FBXO22: variants seen among roughly 807,000 people sequenced by gnomAD.
FBXO22 encodes the protein F-box protein 22, also known as F-box only protein 22.
FBXO22 carries 13 observed loss-of-function variants against 37.2 expected under a neutral mutation model. That is an observed-to-expected ratio of 0.35 (90% CI 0.23 to 0.56). FBXO22 has a LOEUF of 0.56. Ranked by LOEUF, FBXO22 falls within the 20% of genes least tolerant of loss-of-function variation. FBXO22 has a pLI of 0.87. For synonymous variants in FBXO22, 189 were observed against 189.1 expected (o/e 1.00, Z 0.00); for missense variants, 446 against 509.9 (o/e 0.87, Z 1.21).
At chr15:75,927,658 A>C (rs1023720204) in intron 5 of FBXO22, among the ~76,000 whole-genome samples, 2 of 152,234 alleles carry the variant, frequency 1.3e-5, no homozygotes, top group Non-Finnish European at 2.9e-5. Context: ...AAGATGCTTT[A>C]GCAATGGTTT....
chr15:75,933,119 C>A lies in FBXO22; in HGVS notation c.*17C>A. 1 of 1,571,110 alleles carries A rather than the reference C, an allele frequency of 6.4e-7. No homozygotes were observed. The highest frequency in any genetic ancestry group is 1.2e-5 in the South Asian group (1 of 83,790). Reference sequence around the variant, plus strand: ...TCTAAATAATAATTAAAGTGGCTTTCATAATATGTAACTTTTGGGTTCTGC... The same window carrying A: ...TCTAAATAATAATTAAAGTGGCTTTAATAATATGTAACTTTTGGGTTCTGC... On this transcript the variant is annotated 3_prime_UTR_variant, in exon 7 of 7. Coordinates refer to ENST00000308275, the MANE Select transcript of FBXO22 (RefSeq NM_147188.3).
chr15:75,913,690 TC>T (rs1298721245), intron 3 of FBXO22, among the ~76,000 whole-genome samples: 1 of 152,192 alleles, frequency 6.6e-6, no homozygotes, highest in Non-Finnish European at 1.5e-5. Flanking sequence ...AGAATGGGTA[TC>T]CAAGATGCGC....
At chr15:75,914,568 G>A (rs1017636396) in intron 4 of FBXO22, among the ~76,000 whole-genome samples, 1 of 152,102 alleles carries the variant, frequency 6.6e-6, no homozygotes, top group Non-Finnish European at 1.5e-5. Context: ...AGCAAAGCTG[G>A]GCCTTACTAG....
intron 4 of FBXO22, among the ~76,000 whole-genome samples, chr15:75,915,828 A>G (rs1372664974): frequency 6.6e-6 from 1 of 151,082 alleles, no homozygotes; most frequent in East Asian, 1.9e-4. Context: ...TGAGCCCGGG[A>G]GGCAGAGGTT....
chr15:75,930,021 G>GACA lies in FBXO22; in HGVS notation c.769_771dup (p.Asn257dup). On this transcript the variant is annotated inframe_insertion, in exon 6 of 7. Coordinates refer to ENST00000308275, the MANE Select transcript of FBXO22 (RefSeq NM_147188.3). ...TATCATCTTGGCTGGAGGCCAGGTGGACAACCTGTCATCACTGACTTCTGA... is the reference window on the plus strand; with the variant it reads ...TATCATCTTGGCTGGAGGCCAGGTGGACAACAACCTGTCATCACTGACTTCTGA... The GACA allele has an allele frequency of 1.2e-6, 2 of 1,614,108 alleles. No individual in the cohort carries two copies. The highest frequency in any genetic ancestry group is 1.7e-6 in the Non-Finnish European group (2 of 1,179,956).
chr15:75,904,169 CGG>C (rs1899864733), intron 1 of FBXO22, 66 bp downstream of exon 1: 1 of 1,469,306 alleles, frequency 6.8e-7, no homozygotes, highest in South Asian at 1.3e-5. Flanking sequence ...CCCAGGCTGG[CGG>C]GGTGGGGGGA....
intron 5 of FBXO22, among the ~76,000 whole-genome samples, chr15:75,917,953 T>G (rs1267875359): frequency 6.6e-6 from 1 of 152,104 alleles, no homozygotes; most frequent in African/African-American, 2.4e-5. Context: ...TGAAGTGAAT[T>G]TGAAGAGGTA....
chr15:75,915,494 G>C (rs1352919037), intron 4 of FBXO22, among the ~76,000 whole-genome samples: 1 of 152,052 alleles, frequency 6.6e-6, no homozygotes, highest in African/African-American at 2.4e-5. Flanking sequence ...GGCCTGGCGT[G>C]GTGGCTGACA....
In FBXO22 at chr15:75,914,259, T is replaced by G. The variant is rs538840705; in HGVS notation, c.463+54T>G. The G allele has an allele frequency of 5.2e-5, 65 of 1,261,694 alleles. No homozygotes were observed. In the South Asian group the frequency reaches 8.0e-4, roughly 16 times the overall value. The allele number at this position is 1,261,694 out of a possible 1,614,324, so 78.2% of individuals were successfully genotyped here. On this transcript the variant is annotated intron_variant, in intron 4 of 6. Coordinates refer to ENST00000308275, the MANE Select transcript of FBXO22 (RefSeq NM_147188.3). ...CTTCCTTGCATTAATGTGGGGTCCTTTGGATTGGTGAGTTATTTTTAGCTT... is the reference window on the plus strand; with the variant it reads ...CTTCCTTGCATTAATGTGGGGTCCTGTGGATTGGTGAGTTATTTTTAGCTT...
Position 75,935,823 on chromosome 15 carries a change from T to G in FBXO22, c.*2721T>G, listed in dbSNP as rs1257316326. 1 of 152,084 alleles carries G rather than the reference T, an allele frequency of 6.6e-6. No individual in the cohort carries two copies. The highest frequency in any genetic ancestry group is 1.5e-5 in the Non-Finnish European group (1 of 68,026). 9.4% of individuals were successfully genotyped at this position (152,084 alleles called of 1,614,324 possible). On this transcript the variant is annotated 3_prime_UTR_variant, in exon 7 of 7. Transcript: ENST00000308275. ...TTTTTTTTGAGACGGAGTCCCGCTCTTTAGCCCAGGCCGGATTGCAATGGC... is the reference window on the plus strand; with the variant it reads ...TTTTTTTTGAGACGGAGTCCCGCTCGTTAGCCCAGGCCGGATTGCAATGGC...
chr15:75,934,118 C>CA lies in FBXO22; in HGVS notation c.*1017dup, dbSNP rs1430772792. 6 of 152,406 alleles carry CA rather than the reference C, an allele frequency of 3.9e-5. No homozygotes were observed. The highest frequency in any genetic ancestry group is 3.9e-4 in the Admixed American group (6 of 15,286). 9.4% of individuals were successfully genotyped at this position (152,406 alleles called of 1,614,324 possible). A position where few individuals can be genotyped will look rare whatever the true frequency, so the allele number is the denominator to read the frequency against. On this transcript the variant is annotated 3_prime_UTR_variant, in exon 7 of 7. Transcript: ENST00000308275. ...AGACTACATTTCCCAGTCTCCTGTG[C>CA]AGGTATGACTGTGTTCTGGACAATG...
In FBXO22 at chr15:75,933,199, A is replaced by G. The variant is rs1324362047; in HGVS notation, c.*97A>G. The G allele has an allele frequency of 9.8e-7, 1 of 1,021,744 alleles. No homozygotes were observed. The highest frequency in any genetic ancestry group is 2.4e-5 in the East Asian group (1 of 40,896). The allele number at this position is 1,021,744 out of a possible 1,614,324, so 63.3% of individuals were successfully genotyped here. A position where few individuals can be genotyped will look rare whatever the true frequency, so the allele number is the denominator to read the frequency against. ...GTGTATTTCAAACAAAAATAACTTT[A>G]GATATATCTTTTTTGTAGCTTTGAT... is the stretch of plus-strand genomic sequence containing the variant. On this transcript the variant is annotated 3_prime_UTR_variant, in exon 7 of 7. Coordinates refer to ENST00000308275, the MANE Select transcript of FBXO22 (RefSeq NM_147188.3).
chr15:75,915,590 AC>A (rs1250678175), intron 4 of FBXO22, among the ~76,000 whole-genome samples: 3 of 151,478 alleles, frequency 2.0e-5, no homozygotes, highest in African/African-American at 7.3e-5. Context: ...ACATGGCAAA[AC>A]CCCATCTCTA....
chr15:75,933,057 C>T lies in FBXO22; in HGVS notation c.1167C>T (p.Ser389=), dbSNP rs1183637722. 1.2e-6 allele frequency: 2 copies of T among 1,613,932 alleles called. No individual in the cohort carries two copies. ...TAAAAGATGATGATCTGTTTCATAG[C>T]TATACAACAATAATGGCACTCATAC... is the stretch of plus-strand genomic sequence containing the variant. ...NEVKDDDLFH[S]YTTIMALIHL... is the part of the protein sequence containing the mutation. Residue 389 remains serine, a synonymous_variant, in exon 7 of 7, where the codon AGC becomes AGT. Transcript: ENST00000308275.
intron 2 of FBXO22, among the ~76,000 whole-genome samples, chr15:75,908,446 TATTTTTA>T (rs2141702838): frequency 6.6e-6 from 1 of 152,242 alleles, no homozygotes; most frequent in African/African-American, 2.4e-5. Context: ...TTACTTTTTG[TATTTTTA>T]GTAGAGATGG....
chr15:75,935,680 C>G lies in FBXO22; in HGVS notation c.*2578C>G, dbSNP rs1464943378. On this transcript the variant is annotated 3_prime_UTR_variant, in exon 7 of 7. Coordinates refer to ENST00000308275, the MANE Select transcript of FBXO22 (RefSeq NM_147188.3). ...GTTTTGCTTAAAGCAAACCCTAACC[C>G]TCAACCTACGAGGCCAGATAGCAAA... is the stretch of plus-strand genomic sequence containing the variant. The G allele has an allele frequency of 1.3e-5, 2 of 151,334 alleles. No individual in the cohort carries two copies. Among genetic ancestry groups the G allele is most frequent in the African/African-American group, 4.9e-5 (2 of 41,054 alleles). 9.4% of individuals were successfully genotyped at this position (151,334 alleles called of 1,614,324 possible). A position where few individuals can be genotyped will look rare whatever the true frequency, so the allele number is the denominator to read the frequency against.
intron 3 of FBXO22, among the ~76,000 whole-genome samples, chr15:75,913,881 G>A (rs1483084100): frequency 6.6e-6 from 1 of 152,172 alleles, no homozygotes; most frequent in Non-Finnish European, 1.5e-5. Context: ...AGCAATATAT[G>A]AACAGAGGGG....
At chr15:75,932,604 C>A in intron 6 of FBXO22, 81 bp from the exon 7 acceptor site, 1 of 1,336,092 alleles carries the variant, frequency 7.5e-7, no homozygotes, top group Non-Finnish European at 1.0e-6. Context: ...AGCCTCCCGT[C>A]AGTGAATCAG....
chr15:75,927,507 C>T (rs1421425386), intron 5 of FBXO22, among the ~76,000 whole-genome samples: 1 of 152,128 alleles, frequency 6.6e-6, no homozygotes, highest in Non-Finnish European at 1.5e-5. Context: ...GGGTAGTAGT[C>T]ACTTCTCTGG....
Sources: gnomAD v4.1 joint callset for allele counts (sites outside exome capture counted in the v4.1 genomes callset) on GRCh38, gnomAD v4.1.1 for gene constraint, MANE v1.5 for transcripts, NCBI Gene and HGNC (gene_info 2026-07-23, HGNC 2026-07-21) for gene names.